Variants in PAN3 observed in about 807,000 individuals in gnomAD.
PAN3 encodes PAN2-PAN3 deadenylation complex subunit PAN3.
In PAN3, 19 loss-of-function variants were observed where a neutral mutation model predicts 96.2. The observed-to-expected ratio is 0.20, with a 90% CI of 0.14 to 0.29. PAN3 has a LOEUF of 0.29. Ranked by LOEUF, PAN3 falls within the 10% of genes least tolerant of loss-of-function variation. PAN3 has a pLI of 1.00. For missense variants in PAN3, 882 were observed against 1,108.1 expected, an observed-to-expected ratio of 0.80 and a Z score of 2.90; for synonymous variants, 433 against 406.6, an observed-to-expected ratio of 1.06 and a Z score of -0.78.
intron 1 of PAN3, among the ~76,000 whole-genome samples, chr13:28,143,491 A>T (rs1870157548): frequency 6.6e-6 from 1 of 152,176 alleles, no homozygotes; most frequent in Non-Finnish European, 1.5e-5. Flanking sequence ...AATTTACCAA[A>T]ATACACTTTT....
intron 5 of PAN3, among the ~76,000 whole-genome samples, chr13:28,204,862 T>G (rs1274968119): frequency 6.6e-6 from 1 of 152,214 alleles, no homozygotes; most frequent in Non-Finnish European, 1.5e-5. Flanking sequence ...ATATTACTAT[T>G]GTTTTAGTGA....
At chr13:28,220,504 T>C (rs1881288041) in intron 6 of PAN3, 126 bp downstream of exon 6, 2 of 1,197,186 alleles carry the variant, frequency 1.7e-6, no homozygotes, top group East Asian at 5.4e-5. Context: ...GAGCTTTATG[T>C]TCTAGTTTTT....
At chr13:28,180,072 T>C (rs1490010369) in intron 4 of PAN3, among the ~76,000 whole-genome samples, 1 of 152,146 alleles carries the variant, frequency 6.6e-6, no homozygotes, top group Non-Finnish European at 1.5e-5. Context: ...AGCACTCTAC[T>C]GTGATATTTG....
intron 1 of PAN3, among the ~76,000 whole-genome samples, chr13:28,169,889 A>G (rs940426644): frequency 6.6e-6 from 1 of 151,908 alleles, no homozygotes; most frequent in Non-Finnish European, 1.5e-5. Context: ...TTTACTAAAA[A>G]TACAAAAATT....
At chr13:28,281,945 AT>A (rs752710298) in intron 17 of PAN3, among the ~76,000 whole-genome samples, 7 of 151,778 alleles carry the variant, frequency 4.6e-5, no homozygotes, top group Non-Finnish European at 1.0e-4. Flanking sequence ...TAATTTTTGT[AT>A]TTTTAGTGGA....
At chr13:28,282,137 A>G (rs1887524618) in intron 17 of PAN3, among the ~76,000 whole-genome samples, 1 of 152,174 alleles carries the variant, frequency 6.6e-6, no homozygotes, top group Non-Finnish European at 1.5e-5. Flanking sequence ...CTTTTACACT[A>G]TTTGTCACTT....
chr13:28,198,866 C>G (rs965806252), intron 5 of PAN3, among the ~76,000 whole-genome samples: 2 of 152,150 alleles, frequency 1.3e-5, no homozygotes, highest in Non-Finnish European at 2.9e-5. Flanking sequence ...CTGTTTATTA[C>G]TGATACATGA....
intron 1 of PAN3, among the ~76,000 whole-genome samples, chr13:28,156,234 A>G (rs1872144087): frequency 6.6e-6 from 1 of 152,164 alleles, no homozygotes; most frequent in Admixed American, 6.6e-5. Context: ...GGACATTACC[A>G]CCTACCCCAC....
intron 5 of PAN3, among the ~76,000 whole-genome samples, chr13:28,213,160 A>G (rs141940765): frequency 6.0e-4 from 91 of 152,300 alleles, no homozygotes; most frequent in African/African-American, 2.0e-3. Context: ...AAAAAATCAT[A>G]CTACAATAAA....
chr13:28,167,909 A>G (rs1873802708), intron 1 of PAN3, among the ~76,000 whole-genome samples: 1 of 152,222 alleles, frequency 6.6e-6, no homozygotes, highest in Non-Finnish European at 1.5e-5. Context: ...TAAGAGAAGC[A>G]ATATAGCATC....
Position 28,178,033 on chromosome 13 carries a change from G to A in PAN3, c.690+98G>A, listed in dbSNP as rs943133334. On this transcript the variant is annotated intron_variant, in intron 4 of 18. Transcript: ENST00000380958. Reference sequence around the variant, plus strand: ...GTCAATGTTTTTGTAAGTGGAGGGAGAGCTTTTTATGGGCTTTAGTGTTTT... The same window carrying A: ...GTCAATGTTTTTGTAAGTGGAGGGAAAGCTTTTTATGGGCTTTAGTGTTTT... 5.9e-5 allele frequency: 65 copies of A among 1,094,648 alleles called. 2 individuals carry two copies. The highest frequency in any genetic ancestry group is 8.5e-5 in the Non-Finnish European group (63 of 739,498). 67.8% of individuals were successfully genotyped at this position (1,094,648 alleles called of 1,614,324 possible).
intron 4 of PAN3, among the ~76,000 whole-genome samples, chr13:28,179,950 G>A (rs898221411): frequency 1.5e-4 from 23 of 151,986 alleles, no homozygotes; most frequent in Admixed American, 4.6e-4. Flanking sequence ...ACAATAAAAT[G>A]TTACTAGAAA....
chr13:28,292,589 G>A lies in PAN3; in HGVS notation c.*67G>A, dbSNP rs1397825355. 2.8e-6 allele frequency: 4 copies of A among 1,446,328 alleles called. No homozygotes were observed. The Admixed American group carries it at 6.8e-5, about 25-fold the overall frequency. 89.6% of individuals were successfully genotyped at this position (1,446,328 alleles called of 1,614,324 possible). A position where few individuals can be genotyped will look rare whatever the true frequency, so the allele number is the denominator to read the frequency against. On this transcript the variant is annotated 3_prime_UTR_variant, in exon 19 of 19. Coordinates refer to ENST00000380958, the MANE Select transcript of PAN3 (RefSeq NM_175854.8). ...ACCAATAGCAAATTGCACTACAGCT[G>A]AACTTTTCATCATCTCATTCACATT...
intron 5 of PAN3, 78 bp from the exon 6 acceptor site, chr13:28,220,153 T>G (rs767152792): frequency 2.0e-5 from 27 of 1,358,432 alleles, no homozygotes; most frequent in Admixed American, 1.3e-4. Flanking sequence ...AATAAAGCAC[T>G]GTGGAATATG....
At chr13:28,206,208 T>C (rs1024392254) in intron 5 of PAN3, among the ~76,000 whole-genome samples, 2 of 152,168 alleles carry the variant, frequency 1.3e-5, no homozygotes, top group African/African-American at 2.4e-5. Context: ...TTCCTACTTA[T>C]TATGGTGACT....
intron 1 of PAN3, among the ~76,000 whole-genome samples, chr13:28,139,631 G>A (rs533854012): frequency 6.6e-6 from 1 of 151,944 alleles, no homozygotes; most frequent in East Asian, 1.9e-4. Context: ...GAAGGCTTGC[G>A]GGAGAAAGGT....
At chr13:28,155,009 T>TG (rs910347098) in intron 1 of PAN3, among the ~76,000 whole-genome samples, 1 of 150,416 alleles carries the variant, frequency 6.6e-6, no homozygotes, top group South Asian at 2.1e-4. Context: ...TTTTTTTTTT[T>TG]AGTAGAGACG....
At chr13:28,217,592 A>C (rs1325904909) in intron 5 of PAN3, among the ~76,000 whole-genome samples, 9 of 109,368 alleles carry the variant, frequency 8.2e-5, no homozygotes, top group Non-Finnish European at 1.7e-4. Context: ...AAAAACAAAA[A>C]AAAAACAAAA....
intron 12 of PAN3, 92 bp from the exon 13 acceptor site, chr13:28,270,609 A>T: frequency 7.7e-7 from 1 of 1,293,926 alleles, no homozygotes; most frequent in Non-Finnish European, 1.1e-6. Flanking sequence ...CCATGAGTGT[A>T]CATGAATTGT....
Sources: allele counts gnomAD v4.1 joint callset (sites outside exome capture counted in the v4.1 genomes callset), GRCh38; gene constraint gnomAD v4.1.1; transcripts MANE v1.5; gene names NCBI Gene and HGNC (gene_info 2026-07-23, HGNC 2026-07-21).